PLCXD1: variants seen among roughly 807,000 people sequenced by gnomAD.
The protein encoded by PLCXD1 is phosphatidylinositol specific phospholipase C X domain containing 1.
PLCXD1 carries 45 observed loss-of-function variants against 37.8 expected under a neutral mutation model. That is an observed-to-expected ratio of 1.19 (90% CI 0.94 to 1.53). PLCXD1 has a LOEUF of 1.53. Ranked by LOEUF, PLCXD1 falls within the 40% of genes most tolerant of loss-of-function variation. The pLI is 0.00. For missense variants in PLCXD1, 539 were observed against 454.7 expected (o/e 1.19, Z -1.69); for synonymous variants, 246 against 206.9 (o/e 1.19, Z -1.62).
chrX:299,316 A>AG lies in PLCXD1; in HGVS notation c.954dup (p.Lys319GlufsTer11). The AG allele has an allele frequency of 6.2e-7, 1 of 1,613,384 alleles. No homozygotes were observed. Among genetic ancestry groups the AG allele is most frequent in the Admixed American group, 1.7e-5 (1 of 60,002 alleles). On this transcript the variant is annotated frameshift_variant, in exon 7 of 7. Transcript: ENST00000381657. LOFTEE classifies it high-confidence loss of function. ...GTCAGTGACGTCATCGCGCTCAATC[A>AG]GAAGCTGCTGTGGTGCTGACGGGAC...
At position 299,378 on chromosome X, in the gene PLCXD1, C is replaced by T. The variant is rs770769632; in HGVS notation, c.*43C>T. 89 of 1,375,554 alleles carry T rather than the reference C, an allele frequency of 6.5e-5. No homozygotes were observed. Among genetic ancestry groups the T allele is most frequent in the Admixed American group, 2.2e-4 (13 of 59,460 alleles). The allele number at this position is 1,375,554 out of a possible 1,614,324, so 85.2% of individuals were successfully genotyped here. A position where few individuals can be genotyped will look rare whatever the true frequency, so the allele number is the denominator to read the frequency against. On this transcript the variant is annotated 3_prime_UTR_variant, in exon 7 of 7. Coordinates refer to ENST00000381657, the MANE Select transcript of PLCXD1 (RefSeq NM_018390.4). ...TCGGGACGCGGCGGCTGCAGTTTCA[C>T]CCCCGAATTTCCAAGTATTGTGACT...
chrX:287,769 T>TAAA (rs1569564474), intron 2 of PLCXD1, among the ~76,000 whole-genome samples: 3 of 148,746 alleles, frequency 2.0e-5, no homozygotes, highest in Admixed American at 6.8e-5. Context: ...ATAGATATAT[T>TAAA]TATATCTATA....
chrX:284,933 A>G (rs1160405885), intron 2 of PLCXD1, among the ~76,000 whole-genome samples: 2 of 152,210 alleles, frequency 1.3e-5, no homozygotes. Flanking sequence ...TCACGAGAAC[A>G]GCATGGGAAA....
At chrX:278,052 G>A (rs1170013924), upstream of PLCXD1, among the ~76,000 whole-genome samples, 2 of 120,052 alleles carry the variant, frequency 1.7e-5, no homozygotes, top group South Asian at 2.9e-4. Flanking sequence ...GGATAGGAGC[G>A]GACACCCCTC....
chrX:288,775 C>T lies in PLCXD1; in HGVS notation c.170C>T (p.Pro57Leu). 2.5e-6 allele frequency: 4 copies of T among 1,613,840 alleles called. No individual in the cohort carries two copies. The highest frequency in any genetic ancestry group is 3.4e-6 in the Non-Finnish European group (4 of 1,179,738). Residue 57 changes from proline (P) to leucine (L), a missense_variant, in exon 3 of 7, where the codon CCC becomes CTC. Physicochemically the swap from Pro to Leu is moderately conservative, Grantham distance 98. Transcript: ENST00000381657. ...TMTYCLNKKSPISHEESRLLQ... is the reference protein window; with the variant it reads ...TMTYCLNKKSLISHEESRLLQ... ...ACGTACTGCCTGAACAAGAAGTCCC[C>T]CATTTCGCACGAGGAGTCCCGGCTG...
intron 2 of PLCXD1, among the ~76,000 whole-genome samples, chrX:287,594 A>G (rs1417955898): frequency 8.5e-5 from 7 of 82,650 alleles, no homozygotes; most frequent in South Asian, 6.4e-4. Context: ...GATACTATAT[A>G]TGTTTATATA....
In PLCXD1 at chrX:299,411, G is replaced by C. The variant is rs908077511; in HGVS notation, c.*76G>C. On this transcript the variant is annotated 3_prime_UTR_variant, in exon 7 of 7. Coordinates refer to ENST00000381657, the MANE Select transcript of PLCXD1 (RefSeq NM_018390.4). ...TTTCCAAGTATTGTGACTTTGTTTG[G>C]GCCAAATGTTGGTGATCATAGGACC... 9.5e-7 allele frequency: 1 copy of C among 1,048,082 alleles called. No individual in the cohort carries two copies. Among genetic ancestry groups the C allele is most frequent in the Non-Finnish European group, 1.5e-6 (1 of 666,674 alleles). 64.9% of individuals were successfully genotyped at this position (1,048,082 alleles called of 1,614,324 possible). A position where few individuals can be genotyped will look rare whatever the true frequency, so the allele number is the denominator to read the frequency against.
rs2070047663 is a variant in PLCXD1 at position 302,467 on chromosome X, C to T, written c.*3132C>T. ...GGAGTGCAATGGCACGATCTCAGCT[C>T]ACTGCAACCTCTGCCTCCCGGGTTC... On this transcript the variant is annotated 3_prime_UTR_variant, in exon 7 of 7. Transcript: ENST00000381657. 1 of 152,256 alleles carries T rather than the reference C, an allele frequency of 6.6e-6. No individual in the cohort carries two copies. The highest frequency in any genetic ancestry group is 1.5e-5 in the Non-Finnish European group (1 of 68,072). 9.4% of individuals were successfully genotyped at this position (152,256 alleles called of 1,614,324 possible). A position where few individuals can be genotyped will look rare whatever the true frequency, so the allele number is the denominator to read the frequency against.
intron 1 of PLCXD1, chrX:283,057 T>C (rs2069326329): frequency 1.3e-5 from 1 of 76,042 alleles, no homozygotes; most frequent in Admixed American, 1.4e-4. Flanking sequence ...ATATATTCTG[T>C]TATGTGTGTA....
intron 6 of PLCXD1, among the ~76,000 whole-genome samples, chrX:295,686 G>A (rs1285480027): frequency 3.3e-5 from 5 of 151,440 alleles, no homozygotes; most frequent in Admixed American, 6.6e-5. Flanking sequence ...CACCACACCC[G>A]GCTAATTTTT....
At chrX:285,645 A>G (rs1358830925) in intron 2 of PLCXD1, among the ~76,000 whole-genome samples, 1 of 152,016 alleles carries the variant, frequency 6.6e-6, no homozygotes, top group Non-Finnish European at 1.5e-5. Context: ...ACACGCGTGT[A>G]CACACATGCA....
intron 6 of PLCXD1, among the ~76,000 whole-genome samples, chrX:296,873 T>C (rs868566747): frequency 6.8e-6 from 1 of 145,998 alleles, no homozygotes; most frequent in African/African-American, 2.5e-5. Flanking sequence ...GGGGACATTA[T>C]TCTGTCTCCC....
intron 2 of PLCXD1, among the ~76,000 whole-genome samples, chrX:284,778 G>A (rs1237035309): frequency 7.1e-6 from 1 of 141,040 alleles, no homozygotes; most frequent in African/African-American, 2.6e-5. Flanking sequence ...AATGGACTCA[G>A]TTCCACCTGG....
chrX:286,523 C>G (rs763242704), intron 2 of PLCXD1, among the ~76,000 whole-genome samples: 110 of 152,204 alleles, frequency 7.2e-4, no homozygotes, highest in African/African-American at 2.6e-3. Flanking sequence ...CTTCGGCAGA[C>G]TCACATCTTA....
chrX:288,679 A>T (rs1457108124), intron 2 of PLCXD1, 54 bp from the exon 3 acceptor site: 1 of 1,599,800 alleles, frequency 6.3e-7, no homozygotes, highest in Non-Finnish European at 8.6e-7. Context: ...GACTCACAGC[A>T]GGTGGCGGGG....
At chrX:293,816 G>A (rs2069715462) in intron 6 of PLCXD1, among the ~76,000 whole-genome samples, 1 of 152,150 alleles carries the variant, frequency 6.6e-6, no homozygotes, top group Non-Finnish European at 1.5e-5. Flanking sequence ...GAAATGCCCA[G>A]AACATGCCAA....
intron 2 of PLCXD1, among the ~76,000 whole-genome samples, chrX:287,220 CATATTT>C (rs1331671063): frequency 3.5e-5 from 5 of 144,268 alleles, no homozygotes; most frequent in African/African-American, 1.0e-4. Flanking sequence ...TATAAACATA[CATATTT>C]ATATTTATAT....
chrX:296,252 C>G (rs571049127), intron 6 of PLCXD1, among the ~76,000 whole-genome samples: 1 of 152,274 alleles, frequency 6.6e-6, no homozygotes, highest in South Asian at 2.1e-4. Flanking sequence ...TCCCGAGTAG[C>G]TGGGATTACG....
At chrX:288,985 C>T in intron 3 of PLCXD1, 116 bp downstream of exon 3, 1 of 968,686 alleles carries the variant, frequency 1.0e-6, no homozygotes, top group East Asian at 2.5e-5. Flanking sequence ...CCTGTGGGCT[C>T]AGGAGGCAGG....
Sources: gnomAD v4.1 joint callset for allele counts (sites outside exome capture counted in the v4.1 genomes callset) on GRCh38, gnomAD v4.1.1 for gene constraint, MANE v1.5 for transcripts, NCBI Gene and HGNC (gene_info 2026-07-23, HGNC 2026-07-21) for gene names.